The following TMEM181 variants were observed in gnomAD, a reference collection of about 807,000 sequenced individuals.
TMEM181 encodes the protein G protein-coupled receptor 178.
In TMEM181, 39 loss-of-function variants were observed where a neutral mutation model predicts 71.9. The ratio of observed to expected loss-of-function variants is 0.54; its 90% CI spans 0.42 to 0.71. TMEM181 has a LOEUF of 0.71. Among genes scored for constraint, TMEM181 ranks in the 30% least tolerant of loss-of-function variants. TMEM181 has a pLI of 0.00. For missense variants in TMEM181, 595 were observed against 583.0 expected (o/e 1.02, Z -0.21); for synonymous variants, 245 against 228.8 (o/e 1.07, Z -0.64).
chr6:158,551,250 G>A (rs557596879), intron 1 of TMEM181, among the ~76,000 whole-genome samples: 1 of 152,244 alleles, frequency 6.6e-6, no homozygotes, highest in African/African-American at 2.4e-5. Context: ...GTGAACCACT[G>A]TGCCCGGCTC....
At chr6:158,574,757 T>C (rs1458216932) in intron 2 of TMEM181, among the ~76,000 whole-genome samples, 1 of 152,218 alleles carries the variant, frequency 6.6e-6, no homozygotes, top group East Asian at 1.9e-4. Flanking sequence ...TGCCTGCCTG[T>C]CTATCCTGTC....
intron 2 of TMEM181, among the ~76,000 whole-genome samples, chr6:158,575,065 G>A (rs1193032730): frequency 6.6e-6 from 1 of 152,190 alleles, no homozygotes; most frequent in African/African-American, 2.4e-5. Context: ...ACATTGGAGA[G>A]AGCAATCTGC....
At chr6:158,538,298 A>C (rs1239674045) in intron 1 of TMEM181, among the ~76,000 whole-genome samples, 1 of 151,864 alleles carries the variant, frequency 6.6e-6, no homozygotes, top group African/African-American at 2.4e-5. Context: ...AGCTGGGACC[A>C]CAGGCCTGTG....
chr6:158,610,865 G>A lies in TMEM181; in HGVS notation c.896+2115G>A, dbSNP rs1785262707. 3 of 339,994 alleles carry A rather than the reference G, an allele frequency of 8.8e-6. No individual in the cohort carries two copies. In the East Asian group the frequency reaches 2.1e-4, roughly 23 times the overall value. The allele number at this position is 339,994 out of a possible 1,614,324, so 21.1% of individuals were successfully genotyped here. A position where few individuals can be genotyped will look rare whatever the true frequency, so the allele number is the denominator to read the frequency against. On this transcript the variant is annotated intron_variant, in intron 10 of 16. Transcript: ENST00000684151. ...TCACACCAAGGACTACTGTAAAAAT[G>A]AGGCAGGTACATGACATAGTAGTGA...
rs530972847 is a variant in TMEM181, at chr6:158,619,350, G to A, written c.897-4200G>A. On this transcript the variant is annotated intron_variant, in intron 10 of 16. Coordinates refer to ENST00000684151, the MANE Select transcript of TMEM181 (RefSeq NM_001376852.1). ...CCATGGTTTTCAGCTCCATCAGGTC[G>A]TTTAAGGTCTTCTCTGTGCTGTTTA... 1.9e-4 allele frequency among the ~76,000 whole-genome samples: 29 copies of A among 152,258 alleles called. 1 individual carries two copies. In the South Asian group the frequency reaches 5.0e-3, roughly 26 times the overall value.
chr6:158,538,838 A>G (rs1189201191), intron 1 of TMEM181, among the ~76,000 whole-genome samples: 1 of 152,242 alleles, frequency 6.6e-6, no homozygotes, highest in Non-Finnish European at 1.5e-5. Context: ...GGCAGGGAGG[A>G]AACTCCCAGA....
intron 10 of TMEM181, chr6:158,621,448 GC>G: frequency 4.4e-6 from 1 of 225,380 alleles, no homozygotes; most frequent in Admixed American, 4.2e-5. Context: ...GGCGAAGCAA[GC>G]CACACCATCC....
chr6:158,588,610 C>T lies in TMEM181; in HGVS notation c.382-1062C>T, dbSNP rs555156855. 1.2e-4 allele frequency among the ~76,000 whole-genome samples: 18 copies of T among 152,256 alleles called. No homozygotes were observed. In the South Asian group the frequency reaches 2.7e-3, roughly 23 times the overall value. ...GATTACAGGCGCCTGCCACCACACCCGGCTGATTTTTGGTACTTTTAGTGG... is the reference window on the plus strand; with the variant it reads ...GATTACAGGCGCCTGCCACCACACCTGGCTGATTTTTGGTACTTTTAGTGG... On this transcript the variant is annotated intron_variant, in intron 5 of 16. Coordinates refer to ENST00000684151, the MANE Select transcript of TMEM181 (RefSeq NM_001376852.1).
At position 158,584,051 on chromosome 6, in the gene TMEM181, A is replaced by T; in HGVS notation, c.259+7A>T. On this transcript the variant is annotated splice_region_variant and intron_variant, in intron 4 of 16. Coordinates refer to ENST00000684151, the MANE Select transcript of TMEM181 (RefSeq NM_001376852.1). ...GAGTTGGATCAATCAAAAGGTATGG[A>T]GCTTGACATTTTGGAATGATTTTTC... 6.3e-7 allele frequency: 1 copy of T among 1,594,520 alleles called. No individual in the cohort carries two copies. Among genetic ancestry groups the T allele is most frequent in the Non-Finnish European group, 8.5e-7 (1 of 1,169,664 alleles).
intron 10 of TMEM181, among the ~76,000 whole-genome samples, chr6:158,622,912 G>A (rs1786046481): frequency 1.3e-5 from 2 of 152,150 alleles, no homozygotes; most frequent in Admixed American, 6.5e-5. Flanking sequence ...CCCTATGCCC[G>A]CTCCCACGCT....
chr6:158,631,307 T>G lies in TMEM181; in HGVS notation c.1283-16T>G, dbSNP rs748612460. 1.9e-6 allele frequency: 3 copies of G among 1,614,042 alleles called. No homozygotes were observed. The highest frequency in any genetic ancestry group is 4.5e-5 in the East Asian group (2 of 44,872). On this transcript the variant is annotated splice_polypyrimidine_tract_variant and intron_variant, in intron 15 of 16. Coordinates refer to ENST00000684151, the MANE Select transcript of TMEM181 (RefSeq NM_001376852.1). Reference sequence around the variant, plus strand: ...CGTCAATTGCTTGAGATGCAAATGCTCTTGTTGGTTTTCAGAGTCCCAGCT... The same window carrying G: ...CGTCAATTGCTTGAGATGCAAATGCGCTTGTTGGTTTTCAGAGTCCCAGCT...
intron 1 of TMEM181, among the ~76,000 whole-genome samples, chr6:158,572,226 G>A (rs1035077375): frequency 2.0e-5 from 3 of 152,226 alleles, no homozygotes; most frequent in East Asian, 1.9e-4. Flanking sequence ...TCTCTCAGGC[G>A]TGTGCTGCGG....
intron 2 of TMEM181, among the ~76,000 whole-genome samples, chr6:158,575,784 A>T (rs192419932): frequency 1.5e-3 from 233 of 152,284 alleles, no homozygotes; most frequent in Non-Finnish European, 2.8e-3. Context: ...GCATTCCTAA[A>T]TGCATTCCAG....
Position 158,623,620 on chromosome 6 carries a change from A to G in TMEM181, c.954+13A>G. The G allele has an allele frequency of 6.4e-7, 1 of 1,557,452 alleles. No individual in the cohort carries two copies. Among genetic ancestry groups the G allele is most frequent in the Non-Finnish European group, 8.7e-7 (1 of 1,143,312 alleles). ...CGGAAATTTTCAGGTAAGGATTGTT[A>G]ATGAGGCCTGCAATTTTTCTTCTTA... On this transcript the variant is annotated intron_variant, in intron 11 of 16. Coordinates refer to ENST00000684151, the MANE Select transcript of TMEM181 (RefSeq NM_001376852.1).
intron 10 of TMEM181, among the ~76,000 whole-genome samples, chr6:158,618,506 T>C (rs946741483): frequency 6.6e-6 from 1 of 152,216 alleles, no homozygotes; most frequent in African/African-American, 2.4e-5. Flanking sequence ...AAGGTTAATA[T>C]TGTTATGTGT....
intron 4 of TMEM181, among the ~76,000 whole-genome samples, chr6:158,584,443 A>G (rs1211126348): frequency 6.6e-6 from 1 of 152,196 alleles, no homozygotes; most frequent in Non-Finnish European, 1.5e-5. Flanking sequence ...CCAGGCATCT[A>G]GTGGGTAGAG....
intron 2 of TMEM181, among the ~76,000 whole-genome samples, chr6:158,574,181 T>C (rs1038062900): frequency 5.9e-5 from 9 of 152,226 alleles, no homozygotes; most frequent in Middle Eastern, 3.2e-3. Context: ...TTCTGGTAGA[T>C]ATTATTTAAT....
intron 2 of TMEM181, among the ~76,000 whole-genome samples, chr6:158,574,218 T>C (rs561596392): frequency 2.6e-5 from 4 of 152,354 alleles, no homozygotes; most frequent in African/African-American, 9.6e-5. Flanking sequence ...AAAGTGTGAA[T>C]GGCAGTTAGG....
In TMEM181 at chr6:158,625,774, T is replaced by C. The variant is rs745811920; in HGVS notation, c.1109+20T>C. On this transcript the variant is annotated intron_variant, in intron 13 of 16. Coordinates refer to ENST00000684151, the MANE Select transcript of TMEM181 (RefSeq NM_001376852.1). The stretch of plus-strand genomic sequence containing the variant: ...CATTAGGTAAGAAGACCTTATTTCT[T>C]GAAAACAGCAAAACGGAATTTTTCT... The C allele has an allele frequency of 1.2e-6, 2 of 1,602,718 alleles. No individual in the cohort carries two copies. The highest frequency in any genetic ancestry group is 2.3e-5 in the South Asian group (2 of 88,056).
Sources: gnomAD v4.1 joint callset for allele counts (sites outside exome capture counted in the v4.1 genomes callset) on GRCh38, gnomAD v4.1.1 for gene constraint, MANE v1.5 for transcripts, NCBI Gene and HGNC (gene_info 2026-07-23, HGNC 2026-07-21) for gene names.